The following TRAF3 variants were observed in gnomAD, a reference collection of about 807,000 sequenced individuals.
TRAF3 encodes the protein TNF receptor associated factor 3, also known as TNF receptor-associated factor 3.
TRAF3 carries 13 observed loss-of-function variants against 62.3 expected under a neutral mutation model. The observed-to-expected ratio is 0.21, with a 90% CI of 0.14 to 0.33. The LOEUF is 0.33. Among genes scored for constraint, TRAF3 ranks in the 10% least tolerant of loss-of-function variants. The probability of loss-of-function intolerance (pLI) is 1.00; values close to 1 mark genes in which losing one functional copy is unlikely to be tolerated. For missense variants in TRAF3, 440 were observed against 741.8 expected (o/e 0.59, Z 4.73); for synonymous variants, 269 against 283.4 (o/e 0.95, Z 0.51).
intron 10 of TRAF3, among the ~76,000 whole-genome samples, chr14:102,899,678 T>C (rs1217421908): frequency 6.6e-6 from 1 of 152,120 alleles, no homozygotes; most frequent in African/African-American, 2.4e-5. Flanking sequence ...TCTTCTTCTT[T>C]CTTCCTTGTC....
In TRAF3 at chr14:102,903,654, G is replaced by A. The variant is rs1890425065; in HGVS notation, c.1135+225G>A. 1.4e-6 allele frequency: 1 copy of A among 699,464 alleles called. No individual in the cohort carries two copies. Among genetic ancestry groups the A allele is most frequent in the Non-Finnish European group, 2.5e-6 (1 of 396,798 alleles). 43.3% of individuals were successfully genotyped at this position (699,464 alleles called of 1,614,324 possible). On this transcript the variant is annotated intron_variant, in intron 11 of 11. Coordinates refer to ENST00000392745, the MANE Select transcript of TRAF3 (RefSeq NM_145725.3). This position sits in a 1 kb window ranked among gnomAD's most constrained non-coding sequence, Gnocchi z 6.4. ...GTCCCCTCCGTGTGAGGCCCTACATGGTGTAGAAAGTAGGGGCAGCTGCAG... is the reference window on the plus strand; with the variant it reads ...GTCCCCTCCGTGTGAGGCCCTACATAGTGTAGAAAGTAGGGGCAGCTGCAG...
At chr14:102,900,875 C>CT (rs1294335077) in intron 10 of TRAF3, among the ~76,000 whole-genome samples, 4 of 152,332 alleles carry the variant, frequency 2.6e-5, no homozygotes, top group Middle Eastern at 3.4e-3. Flanking sequence ...GTGTCGGAGT[C>CT]TTTTTTCTGT....
intron 10 of TRAF3, among the ~76,000 whole-genome samples, chr14:102,899,357 C>T (rs1373911616): frequency 8.5e-5 from 13 of 152,172 alleles, no homozygotes. Context: ...GCCCCGCCTA[C>T]CCTCTTGAGC....
chr14:102,830,832 G>A (rs889393649), intron 2 of TRAF3, among the ~76,000 whole-genome samples: 2 of 152,194 alleles, frequency 1.3e-5, no homozygotes, highest in Admixed American at 6.5e-5. Context: ...ACCCAGGGGT[G>A]AATCTGAATC....
At chr14:102,801,128 G>T (rs1322074082) in intron 1 of TRAF3, among the ~76,000 whole-genome samples, 2 of 152,140 alleles carry the variant, frequency 1.3e-5, no homozygotes, top group East Asian at 1.9e-4. Context: ...ATCGCGCCAC[G>T]GCACTCCCGC....
Position 102,910,572 on chromosome 14 carries a change from G to A in TRAF3, c.*4788G>A, listed in dbSNP as rs1037407023. 6.6e-6 allele frequency: 1 copy of A among 152,456 alleles called. No homozygotes were observed. The highest frequency in any genetic ancestry group is 2.4e-5 in the African/African-American group (1 of 41,476). 9.4% of individuals were successfully genotyped at this position (152,456 alleles called of 1,614,324 possible). On this transcript the variant is annotated 3_prime_UTR_variant, in exon 12 of 12. Transcript: ENST00000392745. ...GTGGCATCAGGGAGCCGGGCCAGCA[G>A]GCGGCGTGAGGCGGGGCCAGCAGCT...
chr14:102,802,794 C>G (rs1595300493), intron 1 of TRAF3, among the ~76,000 whole-genome samples: 1 of 152,090 alleles, frequency 6.6e-6, no homozygotes, highest in South Asian at 2.1e-4. Flanking sequence ...TGCCACTGCA[C>G]TCTAGCCTGG....
At chr14:102,793,608 A>G (rs1165840018) in intron 1 of TRAF3, among the ~76,000 whole-genome samples, 1 of 152,154 alleles carries the variant, frequency 6.6e-6, no homozygotes, top group East Asian at 1.9e-4. Flanking sequence ...CCTCTTCTCA[A>G]CACAGACACA....
chr14:102,827,357 G>A (rs1056991867), intron 1 of TRAF3, among the ~76,000 whole-genome samples: 2 of 152,218 alleles, frequency 1.3e-5, no homozygotes, highest in African/African-American at 4.8e-5. Context: ...GGGACTAGAA[G>A]TGTTTCAGAT....
At chr14:102,808,097 T>C (rs1031953332) in intron 1 of TRAF3, among the ~76,000 whole-genome samples, 3 of 152,194 alleles carry the variant, frequency 2.0e-5, no homozygotes, top group Admixed American at 6.6e-5. Context: ...ATTTGGCGGT[T>C]GTTTTGGATG....
intron 7 of TRAF3, 102 bp from the exon 8 acceptor site, chr14:102,889,458 C>G: frequency 8.3e-7 from 1 of 1,205,134 alleles, no homozygotes; most frequent in Non-Finnish European, 1.2e-6. Flanking sequence ...GCGATAAACA[C>G]CATTCTTAAT....
chr14:102,898,086 C>T (rs1334060856), intron 10 of TRAF3, among the ~76,000 whole-genome samples: 1 of 152,198 alleles, frequency 6.6e-6, no homozygotes, highest in Non-Finnish European at 1.5e-5. Context: ...AAGAATCACT[C>T]ATGTCACTGA....
At chr14:102,887,693 C>T (rs1889474140) in intron 7 of TRAF3, among the ~76,000 whole-genome samples, 1 of 151,608 alleles carries the variant, frequency 6.6e-6, no homozygotes, top group Non-Finnish European at 1.5e-5. Flanking sequence ...CTCCTGGGTT[C>T]ACACCATTCT....
chr14:102,878,927 C>T (rs776650534), intron 6 of TRAF3, among the ~76,000 whole-genome samples: 32 of 151,758 alleles, frequency 2.1e-4, no homozygotes, highest in Non-Finnish European at 4.0e-4. Flanking sequence ...GAGGGTGGAG[C>T]GGTAGGATTG....
At chr14:102,798,566 G>A (rs924808557) in intron 1 of TRAF3, among the ~76,000 whole-genome samples, 1 of 152,154 alleles carries the variant, frequency 6.6e-6, no homozygotes, top group Non-Finnish European at 1.5e-5. Context: ...CTTGAATCTG[G>A]GAGGCAGAGG....
At chr14:102,870,650 C>G (rs949355568) in intron 3 of TRAF3, among the ~76,000 whole-genome samples, 1 of 152,230 alleles carries the variant, frequency 6.6e-6, no homozygotes, top group African/African-American at 2.4e-5. Flanking sequence ...CTGCGTGTCT[C>G]TGACCTGCCC....
At chr14:102,904,753 T>C (rs2092971) in intron 11 of TRAF3, among the ~76,000 whole-genome samples, 37,095 of 144,058 alleles carry the variant, frequency 0.26, 5,460 homozygotes, top group African/African-American at 0.41. Context: ...GAGCTTGCAG[T>C]GAGCCGAGAT....
intron 2 of TRAF3, among the ~76,000 whole-genome samples, chr14:102,852,951 C>T (rs1348854247): frequency 1.3e-5 from 2 of 151,766 alleles, no homozygotes; most frequent in Admixed American, 6.6e-5. Context: ...TGGAGTGCAG[C>T]GGCACAATCT....
intron 2 of TRAF3, among the ~76,000 whole-genome samples, chr14:102,832,221 T>C (rs1900733711): frequency 6.6e-6 from 1 of 152,246 alleles, no homozygotes; most frequent in Admixed American, 6.5e-5. Context: ...CAGTTATCTT[T>C]TTTTGTGGTG....
Sources: allele counts gnomAD v4.1 joint callset (sites outside exome capture counted in the v4.1 genomes callset), GRCh38; gene constraint gnomAD v4.1.1; non-coding constraint Gnocchi (gnomAD v3.1); transcripts MANE v1.5; gene names NCBI Gene and HGNC (gene_info 2026-07-23, HGNC 2026-07-21).